The following STXBP5L variants were observed in gnomAD, a reference collection of about 807,000 sequenced individuals.
STXBP5L encodes the protein syntaxin-binding protein 5-like.
Under a neutral mutation model 144.5 loss-of-function variants are expected in STXBP5L, and 65 were observed. That is an observed-to-expected ratio of 0.45 (90% confidence interval 0.37 to 0.55). The LOEUF (loss-of-function observed/expected upper bound fraction) is 0.55. STXBP5L is among the 20% of genes least tolerant of loss of function. The pLI, the probability that STXBP5L is intolerant of heterozygous loss-of-function variation, is 0.00. For synonymous variants in STXBP5L, 505 were observed against 469.6 expected (o/e 1.08, Z -0.97); for missense variants, 1,298 against 1,405.5 (o/e 0.92, Z 1.22).
chr3:121,316,740 T>G (rs1304270723), intron 19 of STXBP5L, among the ~76,000 whole-genome samples: 1 of 152,214 alleles, frequency 6.6e-6, no homozygotes, highest in Non-Finnish European at 1.5e-5. Flanking sequence ...TGACTCAACT[T>G]ACAGTGATGT....
intron 14 of STXBP5L, among the ~76,000 whole-genome samples, chr3:121,241,776 A>T (rs1053496713): frequency 6.6e-6 from 1 of 152,208 alleles, no homozygotes; most frequent in Non-Finnish European, 1.5e-5. Context: ...TAGCAAAACA[A>T]CATGAACCTT....
intron 5 of STXBP5L, among the ~76,000 whole-genome samples, chr3:121,101,423 C>T (rs1170356302): frequency 2.0e-5 from 3 of 152,076 alleles, no homozygotes; most frequent in Non-Finnish European, 2.9e-5. Flanking sequence ...TCCTGGGATG[C>T]AAAGTTGATT....
intron 5 of STXBP5L, among the ~76,000 whole-genome samples, chr3:121,068,787 A>G (rs1412918125): frequency 6.6e-6 from 1 of 151,966 alleles, no homozygotes; most frequent in Non-Finnish European, 1.5e-5. Context: ...ATTCCTTACT[A>G]TGTCTACTTG....
chr3:121,164,245 AG>A (rs915545861), intron 9 of STXBP5L, among the ~76,000 whole-genome samples: 2 of 152,218 alleles, frequency 1.3e-5, no homozygotes, highest in Non-Finnish European at 2.9e-5. Context: ...GTATGTAAAA[AG>A]GTGCTCAACA....
At position 120,973,487 on chromosome 3, in the gene STXBP5L, G is replaced by T. The variant is rs149559621; in HGVS notation, c.287+18450G>T. On this transcript the variant is annotated intron_variant, in intron 3 of 26. Transcript: ENST00000471454. ...TTTTTATTCTTGGTTAATCTAGCTA[G>T]CAGTCTATCATTTTCTAAAATATTT... 3.2e-4 allele frequency among the ~76,000 whole-genome samples: 48 copies of T among 151,712 alleles called. No individual in the cohort carries two copies. The East Asian group carries it at 8.7e-3, about 28-fold the overall frequency.
At chr3:121,399,421 A>G (rs1439673190) in intron 22 of STXBP5L, among the ~76,000 whole-genome samples, 1 of 152,204 alleles carries the variant, frequency 6.6e-6, no homozygotes, top group Non-Finnish European at 1.5e-5. Flanking sequence ...TAGAGGAATT[A>G]AAGACACACA....
At chr3:121,359,752 A>G (rs183184207) in intron 20 of STXBP5L, among the ~76,000 whole-genome samples, 7 of 151,886 alleles carry the variant, frequency 4.6e-5, no homozygotes, top group African/African-American at 1.4e-4. Flanking sequence ...AAATGAGCTC[A>G]CCGTAGGTGT....
At chr3:121,309,800 A>G (rs913869002) in intron 19 of STXBP5L, among the ~76,000 whole-genome samples, 1 of 152,186 alleles carries the variant, frequency 6.6e-6, no homozygotes, top group African/African-American at 2.4e-5. Context: ...AAAATCTAAC[A>G]TATTATTTGT....
chr3:121,214,713 A>G (rs1298098409), intron 10 of STXBP5L, among the ~76,000 whole-genome samples: 2 of 152,182 alleles, frequency 1.3e-5, no homozygotes, highest in East Asian at 1.9e-4. Context: ...GTAGATGTCT[A>G]TTAGGTCCAC....
At chr3:121,024,726 C>T (rs1031330190) in intron 3 of STXBP5L, among the ~76,000 whole-genome samples, 1 of 152,078 alleles carries the variant, frequency 6.6e-6, no homozygotes, top group African/African-American at 2.4e-5. Flanking sequence ...AAAATTTTTC[C>T]TTCTCTACAA....
At chr3:121,177,183 A>G (rs1158772427) in intron 9 of STXBP5L, among the ~76,000 whole-genome samples, 2 of 152,034 alleles carry the variant, frequency 1.3e-5, no homozygotes, top group Non-Finnish European at 2.9e-5. Flanking sequence ...AAACAAAGAC[A>G]CTGTAAAATA....
At chr3:121,269,214 C>G (rs1033920212) in intron 18 of STXBP5L, among the ~76,000 whole-genome samples, 1 of 151,672 alleles carries the variant, frequency 6.6e-6, no homozygotes, top group African/African-American at 2.4e-5. Flanking sequence ...CCTGGTTGGC[C>G]GAAGTCTAAC....
chr3:121,246,198 C>T (rs1339076288), intron 14 of STXBP5L, among the ~76,000 whole-genome samples: 6 of 152,124 alleles, frequency 3.9e-5, no homozygotes, highest in Non-Finnish European at 7.4e-5. Flanking sequence ...GAGTACGAAC[C>T]CTATTGTGAA....
chr3:121,067,921 G>A (rs1351871604), intron 5 of STXBP5L, among the ~76,000 whole-genome samples: 3 of 152,094 alleles, frequency 2.0e-5, no homozygotes, highest in Non-Finnish European at 4.4e-5. Context: ...CTTTGTGTTT[G>A]CATGGCATAT....
chr3:121,003,091 A>G (rs1277728434), intron 3 of STXBP5L, among the ~76,000 whole-genome samples: 1 of 152,194 alleles, frequency 6.6e-6, no homozygotes, highest in African/African-American at 2.4e-5. Context: ...TGGCTGGGTC[A>G]AATGGTATTT....
Position 121,250,749 on chromosome 3 carries a change from G to A in STXBP5L, c.1427G>A (p.Trp476Ter). 2.5e-6 allele frequency: 4 copies of A among 1,607,980 alleles called. No homozygotes were observed. The highest frequency in any genetic ancestry group is 3.4e-6 in the Non-Finnish European group (4 of 1,176,998). Reference sequence around the variant, plus strand: ...CATGCAGATGGATCAATAAAATTTTGGGATGCTTCTGCAAGTAAGTTTCAA... The same window carrying A: ...CATGCAGATGGATCAATAAAATTTTAGGATGCTTCTGCAAGTAAGTTTCAA... ...TGHADGSIKF[W>*]DASAITLQML... The change falls in exon 15 of 27, where the codon TGG (tryptophan) becomes TAG (stop). Residue 476 changes from tryptophan (W) to a stop codon, truncating the protein, a stop_gained. Coordinates refer to ENST00000471454, the MANE Select transcript of STXBP5L (RefSeq NM_001308330.2). LOFTEE classifies it high-confidence loss of function.
At chr3:121,016,977 A>G (rs539949836) in intron 3 of STXBP5L, among the ~76,000 whole-genome samples, 9 of 152,216 alleles carry the variant, frequency 5.9e-5, no homozygotes, top group Non-Finnish European at 7.3e-5. Context: ...AGACAAAGAC[A>G]TTACCAGAAA....
intron 3 of STXBP5L, among the ~76,000 whole-genome samples, chr3:121,003,330 G>C (rs1185735893): frequency 6.6e-6 from 1 of 152,110 alleles, no homozygotes; most frequent in African/African-American, 2.4e-5. Context: ...TTTTTCATGT[G>C]TCTTTTGGCT....
rs944163605 is a variant in STXBP5L at position 121,223,087 on chromosome 3, A to C, written c.1041A>C (p.Ala347=). 3 of 1,612,964 alleles carry C rather than the reference A, an allele frequency of 1.9e-6. No homozygotes were observed. Among genetic ancestry groups the C allele is most frequent in the Non-Finnish European group, 2.5e-6 (3 of 1,179,468 alleles). ...GTTTAACCATCATGCATGGAAAAGC[A>C]ATTACAGTACTTGAAATGGATCATC... ...RPSLTIMHGK[A]ITVLEMDHPI... The change falls in exon 11 of 27, where the codon GCA becomes GCC. Residue 347 remains alanine (A), a synonymous_variant. Coordinates refer to ENST00000471454, the MANE Select transcript of STXBP5L (RefSeq NM_001308330.2).
Sources: allele counts gnomAD v4.1 joint callset (sites outside exome capture counted in the v4.1 genomes callset), GRCh38; gene constraint gnomAD v4.1.1; transcripts MANE v1.5; gene names NCBI Gene and HGNC (gene_info 2026-07-23, HGNC 2026-07-21).